Variants in ASTN2 observed in about 807,000 individuals in gnomAD.
ASTN2 encodes the protein astrotactin-2.
In ASTN2, 54 loss-of-function variants were observed where a neutral mutation model predicts 139.8. That is an observed-to-expected ratio of 0.39 (90% CI 0.31 to 0.48). ASTN2 has a LOEUF of 0.48. ASTN2 is among the 20% of genes least tolerant of loss of function. The pLI is 0.95. For synonymous variants in ASTN2, 756 were observed against 719.5 expected, an observed-to-expected ratio of 1.05 and a Z score of -0.81; for missense variants, 1,565 against 1,725.1, an observed-to-expected ratio of 0.91 and a Z score of 1.64.
intron 19 of ASTN2, among the ~76,000 whole-genome samples, chr9:116,576,665 C>T (rs1417145073): frequency 6.6e-6 from 1 of 152,124 alleles, no homozygotes; most frequent in African/African-American, 2.4e-5. Flanking sequence ...ACTCTGTGTG[C>T]CTGTGCCTGT....
intron 12 of ASTN2, among the ~76,000 whole-genome samples, chr9:116,813,946 G>T (rs564749588): frequency 3.3e-5 from 5 of 151,212 alleles, no homozygotes; most frequent in Non-Finnish European, 7.4e-5. Flanking sequence ...TGAGGCAGGA[G>T]AATTGTTTGA....
At chr9:117,390,954 G>T (rs775617840) in intron 1 of ASTN2, among the ~76,000 whole-genome samples, 1 of 152,146 alleles carries the variant, frequency 6.6e-6, no homozygotes, top group Admixed American at 6.5e-5. Flanking sequence ...ATTGGCCTAA[G>T]GTAGATCCCA....
In ASTN2 at chr9:116,699,049, T is replaced by C; in HGVS notation, c.2806+26722A>G. On this transcript the variant is annotated intron_variant, in intron 16 of 22. Transcript: ENST00000313400. This position sits in a 1 kb window ranked among gnomAD's most constrained non-coding sequence, Gnocchi z 4.2. ...AACCTCACTCCTCTCTCAGTGGCAATGAACTGCCAGGGGCTGATTGGTGTG... is the reference window on the plus strand; with the variant it reads ...AACCTCACTCCTCTCTCAGTGGCAACGAACTGCCAGGGGCTGATTGGTGTG... 6.2e-7 allele frequency: 1 copy of C among 1,614,200 alleles called. No individual in the cohort carries two copies. The highest frequency in any genetic ancestry group is 8.5e-7 in the Non-Finnish European group (1 of 1,180,034).
At chr9:116,956,221 A>C (rs1835704204) in intron 10 of ASTN2, among the ~76,000 whole-genome samples, 1 of 144,596 alleles carries the variant, frequency 6.9e-6, no homozygotes, top group African/African-American at 2.6e-5. Context: ...TCAGCCTCCC[A>C]AGTAGCTGGG....
chr9:116,524,121 A>C (rs1850992220), intron 19 of ASTN2, among the ~76,000 whole-genome samples: 1 of 152,186 alleles, frequency 6.6e-6, no homozygotes, highest in Non-Finnish European at 1.5e-5. Flanking sequence ...GAATATTTCT[A>C]ACATGGATGG....
At chr9:117,298,700 G>GTGCA (rs1554717067) in intron 1 of ASTN2, among the ~76,000 whole-genome samples, 4,093 of 78,998 alleles carry the variant, frequency 0.052, 85 homozygotes, top group South Asian at 0.12. Context: ...ATGTGCATAT[G>GTGCA]TATGTGTGTG....
chr9:117,295,619 G>GTA (rs899555991), intron 1 of ASTN2, among the ~76,000 whole-genome samples: 4 of 151,460 alleles, frequency 2.6e-5, no homozygotes, highest in South Asian at 2.1e-4. Context: ...CAGTGATTTG[G>GTA]TATATATATA....
intron 4 of ASTN2, among the ~76,000 whole-genome samples, chr9:117,136,707 G>A (rs1454977155): frequency 6.6e-6 from 1 of 152,166 alleles, no homozygotes; most frequent in Non-Finnish European, 1.5e-5. Context: ...CAAGCTAGAG[G>A]CAGTGGCTCA....
chr9:116,501,802 T>C (rs1040439963), intron 19 of ASTN2, among the ~76,000 whole-genome samples: 3 of 151,900 alleles, frequency 2.0e-5, no homozygotes, highest in African/African-American at 4.8e-5. Context: ...TGTATCCATA[T>C]GTAACTAACC....
chr9:117,173,407 C>T (rs1000857512), intron 3 of ASTN2, among the ~76,000 whole-genome samples: 1 of 152,062 alleles, frequency 6.6e-6, no homozygotes, highest in Admixed American at 6.6e-5. Flanking sequence ...AATGGTTACA[C>T]ATGAAATGTT....
At chr9:116,717,168 A>T (rs890302428) in intron 16 of ASTN2, among the ~76,000 whole-genome samples, 2 of 152,224 alleles carry the variant, frequency 1.3e-5, no homozygotes, top group African/African-American at 4.8e-5. Context: ...GAAATAATGT[A>T]TGTGAAAGTG....
chr9:117,161,553 A>C (rs771516438), intron 3 of ASTN2, among the ~76,000 whole-genome samples: 13 of 151,900 alleles, frequency 8.6e-5, no homozygotes, highest in Non-Finnish European at 1.6e-4. Context: ...GCCACCATGC[A>C]CAGCTAATTT....
chr9:117,255,974 C>T (rs1833675858), intron 2 of ASTN2, among the ~76,000 whole-genome samples: 1 of 152,160 alleles, frequency 6.6e-6, no homozygotes, highest in South Asian at 2.1e-4. Context: ...AATCATCTAT[C>T]CAAGGGAAAA....
chr9:116,532,086 T>C (rs1026180170), intron 19 of ASTN2, among the ~76,000 whole-genome samples: 1 of 152,220 alleles, frequency 6.6e-6, no homozygotes, highest in Non-Finnish European at 1.5e-5. Context: ...TATCGCATTG[T>C]AGTTTTGATT....
chr9:116,616,092 G>A (rs560543145), intron 19 of ASTN2, among the ~76,000 whole-genome samples: 4 of 152,116 alleles, frequency 2.6e-5, no homozygotes, highest in East Asian at 1.9e-4. Context: ...ATAAATAAAC[G>A]TCATCAAAAT....
chr9:117,085,170 G>GC (rs1335408071), intron 5 of ASTN2, among the ~76,000 whole-genome samples: 1 of 151,980 alleles, frequency 6.6e-6, no homozygotes, highest in Non-Finnish European at 1.5e-5. Context: ...TGCCCTCCAT[G>GC]CCCCCCACAA....
chr9:117,109,764 C>T (rs1197850935), intron 4 of ASTN2, among the ~76,000 whole-genome samples: 1 of 151,958 alleles, frequency 6.6e-6, no homozygotes, highest in Non-Finnish European at 1.5e-5. Flanking sequence ...TTTGTTTTAC[C>T]TTTGCTTATT....
intron 3 of ASTN2, among the ~76,000 whole-genome samples, chr9:117,162,122 C>T (rs1254909358): frequency 6.6e-6 from 1 of 152,010 alleles, no homozygotes; most frequent in African/African-American, 2.4e-5. Flanking sequence ...ATGAGAAAAG[C>T]AGATAGATAA....
Position 117,310,101 on chromosome 9 carries a change from T to C in ASTN2, c.443-18588A>G, listed in dbSNP as rs1486798842. Among the ~76,000 whole-genome samples, 5 of 152,192 alleles carry C rather than the reference T, an allele frequency of 3.3e-5. No individual in the cohort carries two copies. The East Asian group carries it at 9.6e-4, about 29-fold the overall frequency. ...TCTTCCCTTCTCTGAGCCAAACATA[T>C]ATGTATGTGTGTACACATATACACA... On this transcript the variant is annotated intron_variant, in intron 1 of 22. Transcript: ENST00000313400.
Sources: gnomAD v4.1 joint callset for allele counts (sites outside exome capture counted in the v4.1 genomes callset) on GRCh38, gnomAD v4.1.1 for gene constraint, Gnocchi (gnomAD v3.1) non-coding constraint, MANE v1.5 for transcripts, NCBI Gene and HGNC (gene_info 2026-07-23, HGNC 2026-07-21) for gene names.